SLC35F1: variants seen among roughly 807,000 people sequenced by gnomAD.
SLC35F1 encodes the protein solute carrier family 35 member F1, also known as chromosome 6 open reading frame 169.
A neutral mutation model predicts 48.7 loss-of-function variants in SLC35F1; 14 were observed. The ratio of observed to expected loss-of-function variants is 0.29; its 90% CI spans 0.19 to 0.45. The LOEUF (loss-of-function observed/expected upper bound fraction) is 0.45. SLC35F1 is among the 20% of genes least tolerant of loss of function. The pLI is 1.00. For missense variants in SLC35F1, 404 were observed against 500.0 expected (o/e 0.81, Z 1.83); for synonymous variants, 190 against 202.2 (o/e 0.94, Z 0.51).
At chr6:118,123,378 A>G (rs1334833) in intron 1 of SLC35F1, among the ~76,000 whole-genome samples, 51,853 of 151,998 alleles carry the variant, frequency 0.34, 9,672 homozygotes, top group Non-Finnish European at 0.43. Flanking sequence ...AAGGTAATAC[A>G]TTTGGTAGAT....
intron 4 of SLC35F1, among the ~76,000 whole-genome samples, chr6:118,274,695 G>C (rs1775898442): frequency 6.6e-6 from 1 of 152,172 alleles, no homozygotes; most frequent in Admixed American, 6.5e-5. Flanking sequence ...ACCACGCCCA[G>C]CCCAAAATTG....
At chr6:117,970,268 C>T (rs929925450) in intron 1 of SLC35F1, among the ~76,000 whole-genome samples, 16 of 152,286 alleles carry the variant, frequency 1.1e-4, no homozygotes, top group African/African-American at 3.8e-4. Context: ...TTTAGGAGCT[C>T]TCCTGACTAT....
intron 1 of SLC35F1, among the ~76,000 whole-genome samples, chr6:118,047,183 A>G (rs1171428777): frequency 2.0e-5 from 3 of 152,166 alleles, no homozygotes; most frequent in Non-Finnish European, 2.9e-5. Context: ...CTACGCCATC[A>G]ATTCCAACTG....
At chr6:118,001,130 C>T (rs1777086776) in intron 1 of SLC35F1, among the ~76,000 whole-genome samples, 1 of 152,144 alleles carries the variant, frequency 6.6e-6, no homozygotes, top group East Asian at 1.9e-4. Context: ...AAAAAAGAGC[C>T]TGCATCGCCA....
intron 1 of SLC35F1, among the ~76,000 whole-genome samples, chr6:118,128,060 A>C (rs1382039333): frequency 2.7e-5 from 4 of 149,460 alleles, no homozygotes; most frequent in African/African-American, 9.7e-5. Context: ...ACATGAAAAA[A>C]TGCTCATCAT....
chr6:118,053,698 A>G (rs1349885646), intron 1 of SLC35F1, among the ~76,000 whole-genome samples: 1 of 152,250 alleles, frequency 6.6e-6, no homozygotes, highest in African/African-American at 2.4e-5. Context: ...ATTATATCCT[A>G]TTTGAAGCAC....
intron 1 of SLC35F1, among the ~76,000 whole-genome samples, chr6:118,074,855 G>A (rs1291606440): frequency 6.6e-6 from 1 of 152,116 alleles, no homozygotes; most frequent in African/African-American, 2.4e-5. Flanking sequence ...TATTGCCCAG[G>A]CTGGTCTCTA....
chr6:118,140,213 C>A (rs1296768023), intron 1 of SLC35F1, among the ~76,000 whole-genome samples: 1 of 152,132 alleles, frequency 6.6e-6, no homozygotes, highest in African/African-American at 2.4e-5. Flanking sequence ...CAAATTTTGA[C>A]ATAGGATAAA....
At chr6:118,169,626 C>T (rs1562313529) in intron 2 of SLC35F1, among the ~76,000 whole-genome samples, 1 of 152,178 alleles carries the variant, frequency 6.6e-6, no homozygotes, top group Non-Finnish European at 1.5e-5. Context: ...TGGACTGCTA[C>T]TACCACCTTT....
At chr6:118,019,669 T>G (rs1054878802) in intron 1 of SLC35F1, among the ~76,000 whole-genome samples, 1 of 152,192 alleles carries the variant, frequency 6.6e-6, no homozygotes, top group Non-Finnish European at 1.5e-5. Context: ...TTAAAAGATT[T>G]CTTTTTACTT....
chr6:118,258,454 TCATTTAA>T (rs1304252705), intron 3 of SLC35F1, among the ~76,000 whole-genome samples: 1 of 152,112 alleles, frequency 6.6e-6, no homozygotes, highest in Non-Finnish European at 1.5e-5. Context: ...CCCAAAGCCT[TCATTTAA>T]CATTTGACAA....
intron 1 of SLC35F1, among the ~76,000 whole-genome samples, chr6:117,930,235 C>T (rs1309589084): frequency 6.6e-6 from 1 of 152,128 alleles, no homozygotes; most frequent in Non-Finnish European, 1.5e-5. Flanking sequence ...TACGTGGATC[C>T]AGGGGCTAAA....
In SLC35F1 at chr6:117,975,465, G is replaced by A. The variant is rs542743902; in HGVS notation, c.173+67566G>A. ...GCAGTGTTGTTGAAGAATACTATAG[G>A]ACCTAATGCCTTGAAAATTTTTTTT... is the stretch of plus-strand genomic sequence containing the variant. On this transcript the variant is annotated intron_variant, in intron 1 of 7. Coordinates refer to ENST00000360388, the MANE Select transcript of SLC35F1 (RefSeq NM_001029858.4). 5.3e-5 allele frequency among the ~76,000 whole-genome samples: 8 copies of A among 152,216 alleles called. No individual in the cohort carries two copies. The South Asian group carries it at 1.7e-3, about 32-fold the overall frequency.
intron 1 of SLC35F1, among the ~76,000 whole-genome samples, chr6:117,927,977 T>A (rs879905800): frequency 2.0e-5 from 3 of 152,160 alleles, no homozygotes; most frequent in Non-Finnish European, 4.4e-5. Context: ...CCTTGAACTG[T>A]GTAAGCAGCT....
intron 1 of SLC35F1, among the ~76,000 whole-genome samples, chr6:118,135,114 G>T (rs1773774601): frequency 6.6e-6 from 1 of 152,062 alleles, no homozygotes; most frequent in South Asian, 2.1e-4. Flanking sequence ...CTGAAATAAG[G>T]CATCCTGCTA....
chr6:118,044,734 C>A (rs563556071), intron 1 of SLC35F1, among the ~76,000 whole-genome samples: 2,209 of 152,240 alleles, frequency 0.015, 58 homozygotes, highest in African/African-American at 0.05. Flanking sequence ...GCTGCACCTA[C>A]AAAATCTTCT....
chr6:118,072,202 C>T (rs929483966), intron 1 of SLC35F1, among the ~76,000 whole-genome samples: 3 of 151,942 alleles, frequency 2.0e-5, no homozygotes, highest in African/African-American at 7.3e-5. Flanking sequence ...GTTTAATTTC[C>T]AAGAGATTTT....
At chr6:118,222,692 C>T (rs1775166752) in intron 2 of SLC35F1, among the ~76,000 whole-genome samples, 2 of 152,124 alleles carry the variant, frequency 1.3e-5, no homozygotes, top group Admixed American at 6.5e-5. Flanking sequence ...AAATATTTCC[C>T]TGGTGGTGAT....
chr6:117,955,791 C>T (rs1776420122), intron 1 of SLC35F1, among the ~76,000 whole-genome samples: 1 of 152,174 alleles, frequency 6.6e-6, no homozygotes, highest in Non-Finnish European at 1.5e-5. Context: ...TCAGTTACTA[C>T]CCTTGTTACC....
Sources: allele counts gnomAD v4.1 joint callset (sites outside exome capture counted in the v4.1 genomes callset), GRCh38; gene constraint gnomAD v4.1.1; transcripts MANE v1.5; gene names NCBI Gene and HGNC (gene_info 2026-07-23, HGNC 2026-07-21).